Variants in GNA14 observed in about 807,000 individuals in gnomAD.
GNA14 encodes G protein subunit alpha 14.
In GNA14, 50 loss-of-function variants were observed where a neutral mutation model predicts 42.0. The observed-to-expected ratio is 1.19, with a 90% CI of 0.95 to 1.51. The LOEUF (loss-of-function observed/expected upper bound fraction) is 1.51. GNA14 is among the 40% of genes most tolerant of loss of function. The pLI is 0.00. For synonymous variants in GNA14, 173 were observed against 163.1 expected (o/e 1.06, Z -0.46); for missense variants, 473 against 446.2 (o/e 1.06, Z -0.54).
intron 2 of GNA14, among the ~76,000 whole-genome samples, chr9:77,448,452 C>A (rs1480407661): frequency 6.6e-6 from 1 of 152,194 alleles, no homozygotes; most frequent in Admixed American, 6.5e-5. Context: ...TTTTGCCCAG[C>A]TGTAGGCTAA....
chr9:77,601,792 C>G (rs1392284310), intron 1 of GNA14, among the ~76,000 whole-genome samples: 1 of 152,150 alleles, frequency 6.6e-6, no homozygotes, highest in Non-Finnish European at 1.5e-5. Flanking sequence ...GTGCCGGGCT[C>G]TTAGTTGGAA....
Position 77,434,414 on chromosome 9 carries a change from A to G in GNA14, c.418T>C (p.Cys140Arg), listed in dbSNP as rs1393840144. ...QLWQDPGIQE[C>R]YDRRREYQLS... Reference sequence around the variant, plus strand: ...TGGTACTCCCTCCTCCTGTCGTAACACTCCTGGATGCCTGGATCTTGCCAG... The same window carrying G: ...TGGTACTCCCTCCTCCTGTCGTAACGCTCCTGGATGCCTGGATCTTGCCAG... The change falls in exon 3 of 7, where the codon TGT (cysteine) becomes CGT (arginine). Residue 140 changes from cysteine (C) to arginine (R), a missense_variant. Transcript: ENST00000341700. The G allele has an allele frequency of 6.2e-7, 1 of 1,613,766 alleles. No individual in the cohort carries two copies. Among genetic ancestry groups the G allele is most frequent in the Non-Finnish European group, 8.5e-7 (1 of 1,179,930 alleles).
chr9:77,642,257 G>C (rs188526092), intron 1 of GNA14, among the ~76,000 whole-genome samples: 12 of 152,276 alleles, frequency 7.9e-5, no homozygotes, highest in Non-Finnish European at 1.2e-4. Flanking sequence ...CAGAAGAAGA[G>C]GTACGTGCAT....
intron 1 of GNA14, among the ~76,000 whole-genome samples, chr9:77,536,185 T>C (rs1837595401): frequency 6.6e-6 from 1 of 152,204 alleles, no homozygotes; most frequent in Non-Finnish European, 1.5e-5. Flanking sequence ...ACAGGGTTCA[T>C]GGCTGCTGTC....
At chr9:77,553,444 C>CA (rs1168635664) in intron 1 of GNA14, among the ~76,000 whole-genome samples, 1 of 150,932 alleles carries the variant, frequency 6.6e-6, no homozygotes, top group African/African-American at 2.4e-5. Flanking sequence ...GATTTATATG[C>CA]AAAAAACTTC....
intron 2 of GNA14, among the ~76,000 whole-genome samples, chr9:77,489,195 C>T (rs888091679): frequency 6.6e-6 from 1 of 151,484 alleles, no homozygotes; most frequent in South Asian, 2.1e-4. Context: ...ATGAATGAGC[C>T]CAAAGACAGG....
rs35743834 is a variant in GNA14, at chr9:77,464,351, ATGTGTGTGTGTGTG to A, written c.310-29843_310-29830del. On this transcript the variant is annotated intron_variant, in intron 2 of 6. Coordinates refer to ENST00000341700, the MANE Select transcript of GNA14 (RefSeq NM_004297.4). ...TATATATGTGTGTGTGTGTGTGTATATGTGTGTGTGTGTGTGTGTGTGTGTGTGTGTGTGTGTGT... is the reference window on the plus strand; with the variant it reads ...TATATATGTGTGTGTGTGTGTGTATATGTGTGTGTGTGTGTGTGTGTGTGT... 2.6e-3 allele frequency among the ~76,000 whole-genome samples: 374 copies of A among 144,816 alleles called. 2 individuals carry two copies. The highest frequency in any genetic ancestry group is 2.1e-3 in the African/African-American group (82 of 39,228).
chr9:77,452,610 T>TGGAAGTGTGTCCGTG (rs376291520), intron 2 of GNA14, among the ~76,000 whole-genome samples: 75 of 59,268 alleles, frequency 1.3e-3, no homozygotes, highest in African/African-American at 3.6e-3. Flanking sequence ...TGTATGTGTA[T>TGGAAGTGTGTCCGTG]GTGTGTGTAT....
At chr9:77,630,105 G>GTTTTTTTTTTTTTTTTTTTTT (rs994788882) in intron 1 of GNA14, among the ~76,000 whole-genome samples, 1 of 128,128 alleles carries the variant, frequency 7.8e-6, no homozygotes, top group Non-Finnish European at 1.5e-5. Context: ...TGTGGGGTTT[G>GTTTTTTTTTTTTTTTTTTTTT]TTTTTTGTTT....
At chr9:77,517,127 T>C (rs182369649) in intron 2 of GNA14, among the ~76,000 whole-genome samples, 1 of 152,252 alleles carries the variant, frequency 6.6e-6, no homozygotes, top group East Asian at 1.9e-4. Context: ...TTAACAGAAA[T>C]CAAGCAACCT....
At chr9:77,462,779 G>GAT (rs1257305769) in intron 2 of GNA14, among the ~76,000 whole-genome samples, 9 of 151,720 alleles carry the variant, frequency 5.9e-5, no homozygotes, top group African/African-American at 2.2e-4. Flanking sequence ...TCTGCCCCTC[G>GAT]ATCCCTGACT....
At chr9:77,605,362 C>G (rs1042929289) in intron 1 of GNA14, among the ~76,000 whole-genome samples, 1 of 152,160 alleles carries the variant, frequency 6.6e-6, no homozygotes, top group African/African-American at 2.4e-5. Context: ...CCAGCCACCC[C>G]GGTGATGGGG....
intron 2 of GNA14, among the ~76,000 whole-genome samples, chr9:77,503,821 G>A (rs1008883948): frequency 7.9e-5 from 12 of 151,658 alleles, no homozygotes; most frequent in Non-Finnish European, 1.3e-4. Context: ...TAATTTTTTT[G>A]TATTTTCACT....
intron 1 of GNA14, among the ~76,000 whole-genome samples, chr9:77,592,618 T>C (rs759086311): frequency 1.3e-5 from 2 of 152,194 alleles, no homozygotes; most frequent in African/African-American, 2.4e-5. Context: ...GAATGACTCA[T>C]GAAGTTATTC....
At chr9:77,463,010 C>A (rs1836140901) in intron 2 of GNA14, among the ~76,000 whole-genome samples, 1 of 152,154 alleles carries the variant, frequency 6.6e-6, no homozygotes, top group Admixed American at 6.5e-5. Context: ...GGGTAATAAA[C>A]AACTCGAGGG....
At chr9:77,483,360 CGAACAGCGGTGGCTGTA>C (rs1187995926) in intron 2 of GNA14, among the ~76,000 whole-genome samples, 1 of 152,126 alleles carries the variant, frequency 6.6e-6, no homozygotes, top group Non-Finnish European at 1.5e-5. Flanking sequence ...CAGTGGCTGC[CGAACAGCGGTGGCTGTA>C]GAACAGCGGA....
intron 2 of GNA14, chr9:77,456,448 G>T (rs1419589817): frequency 6.6e-6 from 1 of 152,226 alleles, no homozygotes; most frequent in Non-Finnish European, 1.5e-5. Context: ...CTGAAGTACA[G>T]AACTTGGTAA....
chr9:77,637,691 A>G (rs1468301537), intron 1 of GNA14, among the ~76,000 whole-genome samples: 3 of 152,150 alleles, frequency 2.0e-5, no homozygotes, highest in African/African-American at 7.2e-5. Flanking sequence ...CCCATCTCCA[A>G]AGAAATATTT....
intron 1 of GNA14, among the ~76,000 whole-genome samples, chr9:77,562,472 G>C (rs1822899558): frequency 6.6e-6 from 1 of 152,098 alleles, no homozygotes; most frequent in South Asian, 2.1e-4. Flanking sequence ...ATTTTAGGAA[G>C]TAGAAAGTAA....
Sources: allele counts gnomAD v4.1 joint callset (sites outside exome capture counted in the v4.1 genomes callset), GRCh38; gene constraint gnomAD v4.1.1; transcripts MANE v1.5; gene names NCBI Gene and HGNC (gene_info 2026-07-23, HGNC 2026-07-21).